Variants in ST6GAL1 observed in about 807,000 individuals in gnomAD.
The protein encoded by ST6GAL1 is ST6 beta-galactoside alpha-2,6-sialyltransferase 1.
ST6GAL1 carries 20 observed loss-of-function variants against 38.0 expected under a neutral mutation model. The ratio of observed to expected loss-of-function variants is 0.53; its 90% CI spans 0.37 to 0.77. The LOEUF is 0.77. Ranked by LOEUF, ST6GAL1 falls within the 30% of genes least tolerant of loss-of-function variation. The pLI is 0.00. For missense variants in ST6GAL1, 432 were observed against 496.4 expected (o/e 0.87, Z 1.23); for synonymous variants, 196 against 188.2 (o/e 1.04, Z -0.34).
chr3:187,049,048 G>C (rs911552581), intron 4 of ST6GAL1, among the ~76,000 whole-genome samples: 6 of 151,892 alleles, frequency 4.0e-5, no homozygotes, highest in African/African-American at 1.5e-4. Context: ...GTGCCACCAC[G>C]CCCAGCTAAT....
chr3:186,998,621 A>G (rs1254690722), intron 2 of ST6GAL1, among the ~76,000 whole-genome samples: 1 of 152,144 alleles, frequency 6.6e-6, no homozygotes. Flanking sequence ...TTATTGAAAA[A>G]ATCTGCATAT....
intron 2 of ST6GAL1, among the ~76,000 whole-genome samples, chr3:186,972,631 G>A (rs921335754): frequency 6.6e-6 from 1 of 152,102 alleles, no homozygotes; most frequent in African/African-American, 2.4e-5. Context: ...ACATAACACG[G>A]CTCATGTGTT....
intron 1 of ST6GAL1, among the ~76,000 whole-genome samples, chr3:186,951,516 A>C (rs937049648): frequency 6.6e-6 from 1 of 152,152 alleles, no homozygotes; most frequent in Non-Finnish European, 1.5e-5. Context: ...AACGAAATCA[A>C]AGTCTTTGTG....
At chr3:187,012,253 T>G (rs1471111755) in intron 2 of ST6GAL1, among the ~76,000 whole-genome samples, 2 of 149,620 alleles carry the variant, frequency 1.3e-5, no homozygotes, top group Non-Finnish European at 3.0e-5. Flanking sequence ...CTGCATTTTT[T>G]TTCATTTTTT....
intron 2 of ST6GAL1, among the ~76,000 whole-genome samples, chr3:186,973,098 C>T (rs1472210530): frequency 6.6e-6 from 1 of 152,116 alleles, no homozygotes; most frequent in Non-Finnish European, 1.5e-5. Context: ...TGCAATGGTA[C>T]AATCTCAGCT....
At chr3:187,048,959 C>T (rs1290949286) in intron 4 of ST6GAL1, among the ~76,000 whole-genome samples, 1 of 143,912 alleles carries the variant, frequency 6.9e-6, no homozygotes, top group African/African-American at 2.6e-5. Context: ...GGCACAATCT[C>T]GGCTCACGCT....
At chr3:187,066,059 T>TATC (rs1474537257) in intron 5 of ST6GAL1, among the ~76,000 whole-genome samples, 2 of 152,060 alleles carry the variant, frequency 1.3e-5, no homozygotes, top group East Asian at 1.9e-4. Flanking sequence ...GAAAGACAGG[T>TATC]ATCTGGATGG....
intron 5 of ST6GAL1, among the ~76,000 whole-genome samples, chr3:187,055,413 G>T (rs1304190162): frequency 9.2e-5 from 14 of 152,012 alleles, no homozygotes; most frequent in African/African-American, 3.1e-4. Flanking sequence ...GTTGATTTTA[G>T]ATCTTTTCTG....
intron 2 of ST6GAL1, among the ~76,000 whole-genome samples, chr3:187,001,033 C>T (rs1417139724): frequency 1.3e-5 from 2 of 152,172 alleles, no homozygotes; most frequent in African/African-American, 2.4e-5. Flanking sequence ...GTGCCTTCCT[C>T]GGGAGAAGGT....
intron 3 of ST6GAL1, 105 bp from the exon 4 acceptor site, chr3:187,042,549 T>C: frequency 8.9e-7 from 1 of 1,122,640 alleles, no homozygotes; most frequent in South Asian, 1.6e-5. Flanking sequence ...GGGCTGGAAT[T>C]CAAGTCACCT....
chr3:187,057,062 T>A (rs1303105314), intron 5 of ST6GAL1, among the ~76,000 whole-genome samples: 1 of 152,238 alleles, frequency 6.6e-6, no homozygotes, highest in Non-Finnish European at 1.5e-5. Context: ...TGATCTTCAA[T>A]CACTGATACC....
chr3:187,020,244 C>T (rs7622288), intron 2 of ST6GAL1, among the ~76,000 whole-genome samples: 57,921 of 152,042 alleles, frequency 0.38, 11,118 homozygotes, highest in Middle Eastern at 0.46. Flanking sequence ...TGCAGTGAGC[C>T]GAGATTGCAC....
intron 5 of ST6GAL1, among the ~76,000 whole-genome samples, chr3:187,060,177 G>A (rs540838662): frequency 6.6e-6 from 1 of 152,192 alleles, no homozygotes; most frequent in East Asian, 1.9e-4. Flanking sequence ...TTTTTTCAGT[G>A]GGGGTAGGGG....
rs1002165811 is a variant in ST6GAL1 at position 186,968,526 on chromosome 3, C to G, written c.-183+4600C>G. ...CGAGCTTTATCCCTCCTTCCTGCCC[C>G]CTTCCATCTCCTGCCCTCCATCCTC... On this transcript the variant is annotated intron_variant, in intron 2 of 7. Coordinates refer to ENST00000169298, the MANE Select transcript of ST6GAL1 (RefSeq NM_173216.2). Among the ~76,000 whole-genome samples the G allele has an allele frequency of 4.6e-5, 7 of 152,294 alleles. No homozygotes were observed. In the South Asian group the frequency reaches 1.5e-3, roughly 32 times the overall value.
intron 2 of ST6GAL1, among the ~76,000 whole-genome samples, chr3:187,009,501 G>A (rs938167500): frequency 6.6e-6 from 1 of 152,134 alleles, no homozygotes; most frequent in Non-Finnish European, 1.5e-5. Context: ...GTGTGGTGGT[G>A]TGTGCCTGTA....
At chr3:186,947,890 G>A (rs1012051147) in intron 1 of ST6GAL1, among the ~76,000 whole-genome samples, 5 of 152,220 alleles carry the variant, frequency 3.3e-5, no homozygotes, top group African/African-American at 1.2e-4. Flanking sequence ...ATCTGTTCAA[G>A]CACCCACAGG....
At chr3:187,036,504 C>T (rs538348458) in intron 2 of ST6GAL1, among the ~76,000 whole-genome samples, 27 of 152,268 alleles carry the variant, frequency 1.8e-4, no homozygotes, top group Non-Finnish European at 3.1e-4. Context: ...AGCCTAGGTG[C>T]CCATCAGTGG....
intron 1 of ST6GAL1, among the ~76,000 whole-genome samples, chr3:186,931,769 G>A (rs1253898306): frequency 3.3e-5 from 5 of 152,176 alleles, no homozygotes; most frequent in Non-Finnish European, 7.3e-5. Context: ...GATGTCACTA[G>A]CCCCTTTTGG....
intron 1 of ST6GAL1, chr3:186,931,077 G>T (rs1001882254): frequency 2.6e-5 from 4 of 152,006 alleles, no homozygotes; most frequent in Middle Eastern, 3.1e-3. Flanking sequence ...CCGCGAGCCT[G>T]CGGATCCACA....
Sources: allele counts gnomAD v4.1 joint callset (sites outside exome capture counted in the v4.1 genomes callset), GRCh38; gene constraint gnomAD v4.1.1; transcripts MANE v1.5; gene names NCBI Gene and HGNC (gene_info 2026-07-23, HGNC 2026-07-21).